RPS6KC1: variants seen among roughly 807,000 people sequenced by gnomAD.
RPS6KC1 encodes the protein inactive ribosomal protein S6 kinase delta-1.
Under a neutral mutation model 103.8 loss-of-function variants are expected in RPS6KC1, and 54 were observed. The ratio of observed to expected loss-of-function variants is 0.52; its 90% CI spans 0.42 to 0.65. RPS6KC1 has a LOEUF of 0.65. Ranked by LOEUF, RPS6KC1 falls within the 30% of genes least tolerant of loss-of-function variation. RPS6KC1 has a pLI of 0.00. For missense variants in RPS6KC1, 1,151 were observed against 1,253.8 expected (o/e 0.92, Z 1.24); for synonymous variants, 439 against 438.7 (o/e 1.00, Z -0.01).
chr1:213,110,910 T>G (rs1490768623), intron 4 of RPS6KC1, among the ~76,000 whole-genome samples: 1 of 152,110 alleles, frequency 6.6e-6, no homozygotes, highest in African/African-American at 2.4e-5. Flanking sequence ...TATTTGGCCC[T>G]GAGATTGCTA....
the RPS6KC1 span, among the ~76,000 whole-genome samples, chr1:213,666,464 C>A: frequency 6.6e-6 from 1 of 152,154 alleles, no homozygotes; most frequent in Non-Finnish European, 1.5e-5. Flanking sequence ...CCAATATTAT[C>A]TGACAGATAA....
At chr1:213,611,568 C>T in the RPS6KC1 span, among the ~76,000 whole-genome samples, 3 of 152,270 alleles carry the variant, frequency 2.0e-5, no homozygotes, top group South Asian at 2.1e-4. Flanking sequence ...AGGGATCTTA[C>T]GTAGTCATGT....
chr1:213,538,612 G>T, the RPS6KC1 span, among the ~76,000 whole-genome samples: 1 of 152,152 alleles, frequency 6.6e-6, no homozygotes, highest in Non-Finnish European at 1.5e-5. Flanking sequence ...ATGAGGGAAA[G>T]GTGTTTCTGG....
intron 12 of RPS6KC1, among the ~76,000 whole-genome samples, chr1:213,245,822 CAG>C (rs1385723093): frequency 6.6e-6 from 1 of 152,082 alleles, no homozygotes; most frequent in Non-Finnish European, 1.5e-5. Flanking sequence ...AAAAGCAAGA[CAG>C]ATAAATTTTG....
At chr1:213,461,551 A>C in the RPS6KC1 span, among the ~76,000 whole-genome samples, 1 of 152,202 alleles carries the variant, frequency 6.6e-6, no homozygotes, top group Non-Finnish European at 1.5e-5. Context: ...TACAGTAATG[A>C]AAACAGCATG....
the RPS6KC1 span, among the ~76,000 whole-genome samples, chr1:213,523,723 A>G: frequency 6.6e-6 from 1 of 152,268 alleles, no homozygotes; most frequent in Non-Finnish European, 1.5e-5. Context: ...CAGAAAGTGT[A>G]ATTCAAACTG....
the RPS6KC1 span, among the ~76,000 whole-genome samples, chr1:213,711,223 C>G: frequency 2.8e-3 from 425 of 152,200 alleles, 12 homozygotes; most frequent in East Asian, 0.072. Context: ...ATTCTTTTTT[C>G]TCTAATCTTG....
the RPS6KC1 span, among the ~76,000 whole-genome samples, chr1:213,295,853 G>A: frequency 2.6e-5 from 4 of 152,194 alleles, no homozygotes; most frequent in African/African-American, 9.7e-5. Flanking sequence ...AGAGGAAGTC[G>A]AGGTTCAGGG....
chr1:213,372,723 T>C, the RPS6KC1 span, among the ~76,000 whole-genome samples: 1 of 152,230 alleles, frequency 6.6e-6, no homozygotes, highest in Non-Finnish European at 1.5e-5. Flanking sequence ...CCACCTGTTC[T>C]ACCTTGGGGG....
the RPS6KC1 span, among the ~76,000 whole-genome samples, chr1:213,760,794 G>A: frequency 0.014 from 2,052 of 151,044 alleles, 34 homozygotes; most frequent in African/African-American, 0.048. Context: ...TACTAAGGCT[G>A]AGCAGGACAG....
the RPS6KC1 span, among the ~76,000 whole-genome samples, chr1:213,415,795 T>C: frequency 6.6e-6 from 1 of 152,228 alleles, no homozygotes; most frequent in Non-Finnish European, 1.5e-5. Context: ...GAATGCAGCC[T>C]GTAATTACCT....
At chr1:213,145,313 C>G (rs1234966727) in intron 6 of RPS6KC1, among the ~76,000 whole-genome samples, 1 of 152,074 alleles carries the variant, frequency 6.6e-6, no homozygotes, top group Non-Finnish European at 1.5e-5. Flanking sequence ...GCAGAACGTT[C>G]TCTCTGAGTT....
At chr1:213,760,937 G>GCTAAAA in the RPS6KC1 span, among the ~76,000 whole-genome samples, 1 of 119,216 alleles carries the variant, frequency 8.4e-6, no homozygotes, top group Non-Finnish European at 1.8e-5. Context: ...CATTTGGGGG[G>GCTAAAA]AAAATGAACA....
chr1:213,760,663 A>G, the RPS6KC1 span, among the ~76,000 whole-genome samples: 1 of 152,206 alleles, frequency 6.6e-6, no homozygotes, highest in Non-Finnish European at 1.5e-5. Context: ...AGTTTTGTGG[A>G]TAATGGATTA....
At chr1:213,203,521 C>A (rs936805383) in intron 8 of RPS6KC1, among the ~76,000 whole-genome samples, 7 of 151,772 alleles carry the variant, frequency 4.6e-5, no homozygotes, top group African/African-American at 1.7e-4. Flanking sequence ...TGTTTTAAGT[C>A]CTTTTCCTAA....
the RPS6KC1 span, among the ~76,000 whole-genome samples, chr1:213,641,100 AT>A: frequency 0.14 from 21,372 of 151,076 alleles, 2,378 homozygotes; most frequent in African/African-American, 0.31. Flanking sequence ...TACTTTTCAG[AT>A]TTTTTTTTAA....
At chr1:213,181,882 C>T (rs768104544) in intron 8 of RPS6KC1, among the ~76,000 whole-genome samples, 4 of 152,072 alleles carry the variant, frequency 2.6e-5, no homozygotes, top group Non-Finnish European at 2.9e-5. Flanking sequence ...AATCTTGTCA[C>T]GTTAGGAAGA....
At chr1:213,607,818 T>C in the RPS6KC1 span, among the ~76,000 whole-genome samples, 1 of 152,194 alleles carries the variant, frequency 6.6e-6, no homozygotes, top group Non-Finnish European at 1.5e-5. Flanking sequence ...ACAGGGGTTC[T>C]CGCCTGAATT....
chr1:213,748,762 T>A, the RPS6KC1 span, among the ~76,000 whole-genome samples: 1 of 152,260 alleles, frequency 6.6e-6, no homozygotes, highest in African/African-American at 2.4e-5. Flanking sequence ...CTGTCTGTTC[T>A]AGCCAAGAGG....
Sources: gnomAD v4.1 joint callset for allele counts (sites outside exome capture counted in the v4.1 genomes callset) on GRCh38, gnomAD v4.1.1 for gene constraint, MANE v1.5 for transcripts, NCBI Gene and HGNC (gene_info 2026-07-23, HGNC 2026-07-21) for gene names.